Variants in ST6GALNAC3 observed in about 807,000 individuals in gnomAD.
The protein encoded by ST6GALNAC3 is ST6 N-acetylgalactosaminide alpha-2,6-sialyltransferase 3, also known as alpha-N-acetylgalactosaminide alpha-2,6-sialyltransferase 3.
Under a neutral mutation model 32.7 loss-of-function variants are expected in ST6GALNAC3, and 25 were observed. The ratio of observed to expected loss-of-function variants is 0.76; its 90% confidence interval spans 0.56 to 1.07. The LOEUF is 1.07. Among genes scored for constraint, ST6GALNAC3 ranks in the 50% least tolerant of loss-of-function variants. The pLI is 0.00. For synonymous variants in ST6GALNAC3, 129 were observed against 133.1 expected (o/e 0.97, Z 0.21); for missense variants, 355 against 382.4 (o/e 0.93, Z 0.60).
chr1:76,128,097 A>G (rs1237551841), intron 1 of ST6GALNAC3, among the ~76,000 whole-genome samples: 1 of 152,118 alleles, frequency 6.6e-6, no homozygotes, highest in Non-Finnish European at 1.5e-5. Flanking sequence ...AACACCACCA[A>G]TCACGAGAAG....
Position 76,599,683 on chromosome 1 carries a change from T to C in ST6GALNAC3, c.624-27769T>C, listed in dbSNP as rs1164713903. Among the ~76,000 whole-genome samples the C allele has an allele frequency of 2.0e-5, 3 of 151,640 alleles. No individual in the cohort carries two copies. In the East Asian group the frequency reaches 5.8e-4, roughly 30 times the overall value. On this transcript the variant is annotated intron_variant, in intron 3 of 4. Coordinates refer to ENST00000328299, the MANE Select transcript of ST6GALNAC3 (RefSeq NM_152996.4). ...ATCCAAGTAATTCTAGTAAAATTCGTTGTTTGATTATTTTATTCCTCCCAC... is the reference window on the plus strand; with the variant it reads ...ATCCAAGTAATTCTAGTAAAATTCGCTGTTTGATTATTTTATTCCTCCCAC...
At chr1:76,300,540 C>G (rs974673155) in intron 1 of ST6GALNAC3, among the ~76,000 whole-genome samples, 5 of 151,964 alleles carry the variant, frequency 3.3e-5, no homozygotes, top group Admixed American at 3.3e-4. Context: ...GTAGACTTAT[C>G]TAGATATAGC....
At chr1:76,391,504 C>A (rs553914308) in intron 2 of ST6GALNAC3, among the ~76,000 whole-genome samples, 1 of 151,522 alleles carries the variant, frequency 6.6e-6, no homozygotes, top group East Asian at 2.0e-4. Flanking sequence ...AGAAACAAAT[C>A]GTAAGCCATT....
chr1:76,312,427 A>G (rs1646783902), intron 1 of ST6GALNAC3, among the ~76,000 whole-genome samples: 1 of 152,168 alleles, frequency 6.6e-6, no homozygotes, highest in East Asian at 1.9e-4. Flanking sequence ...GACAAATGGG[A>G]TATAATTAAA....
chr1:76,217,138 G>A (rs369036140), intron 1 of ST6GALNAC3, among the ~76,000 whole-genome samples: 36 of 152,222 alleles, frequency 2.4e-4, no homozygotes, highest in Non-Finnish European at 3.4e-4. Flanking sequence ...AACTCCCTGC[G>A]AAAAACTTAA....
At chr1:76,373,978 A>G (rs1651024064) in intron 2 of ST6GALNAC3, among the ~76,000 whole-genome samples, 1 of 152,092 alleles carries the variant, frequency 6.6e-6, no homozygotes, top group Non-Finnish European at 1.5e-5. Context: ...AGAGTGCTCA[A>G]TTGCCTCTGT....
chr1:76,434,672 T>G (rs1656005589), intron 3 of ST6GALNAC3, among the ~76,000 whole-genome samples: 1 of 152,256 alleles, frequency 6.6e-6, no homozygotes, highest in South Asian at 2.1e-4. Context: ...TATTGTCATA[T>G]GAACAAAAGT....
intron 3 of ST6GALNAC3, chr1:76,413,076 C>T (rs995201855): frequency 7.3e-6 from 2 of 272,672 alleles, no homozygotes; most frequent in Non-Finnish European, 1.5e-5. Flanking sequence ...TTTTCTGTAG[C>T]ATTCTGTAAA....
intron 2 of ST6GALNAC3, among the ~76,000 whole-genome samples, chr1:76,357,128 TTC>T (rs1463284458): frequency 2.4e-5 from 2 of 82,504 alleles, no homozygotes; most frequent in Non-Finnish European, 4.9e-5. Flanking sequence ...TCTTTTCTTT[TTC>T]TTTTTTTTTT....
At chr1:76,545,923 T>G (rs1664272114) in intron 3 of ST6GALNAC3, among the ~76,000 whole-genome samples, 2 of 152,200 alleles carry the variant, frequency 1.3e-5, no homozygotes. Context: ...CCTTCCAAAG[T>G]GCTGGGATCA....
At chr1:76,479,424 T>A (rs59128559) in intron 3 of ST6GALNAC3, among the ~76,000 whole-genome samples, 57,830 of 152,098 alleles carry the variant, frequency 0.38, 16,284 homozygotes, top group African/African-American at 0.8. Flanking sequence ...TTTATAATGA[T>A]CAGGCTGCGT....
chr1:76,277,609 T>TAC (rs1208393581), intron 1 of ST6GALNAC3, among the ~76,000 whole-genome samples: 45 of 45,026 alleles, frequency 1.0e-3, no homozygotes, highest in African/African-American at 2.2e-3. Flanking sequence ...TATATATATA[T>TAC]ATACACACAC....
At chr1:76,200,558 G>A (rs180984810) in intron 1 of ST6GALNAC3, among the ~76,000 whole-genome samples, 3 of 152,306 alleles carry the variant, frequency 2.0e-5, no homozygotes, top group Admixed American at 2.0e-4. Context: ...TTTCTGATTA[G>A]ATGGTGGCTA....
chr1:76,500,781 T>G (rs1026262545), intron 3 of ST6GALNAC3, among the ~76,000 whole-genome samples: 1 of 152,222 alleles, frequency 6.6e-6, no homozygotes, highest in East Asian at 1.9e-4. Flanking sequence ...TTCTGAAAGA[T>G]AATTTTAGCA....
At chr1:76,524,561 TTCA>T (rs1662749861) in intron 3 of ST6GALNAC3, among the ~76,000 whole-genome samples, 1 of 152,120 alleles carries the variant, frequency 6.6e-6, no homozygotes, top group African/African-American at 2.4e-5. Context: ...ATAGTAGGTA[TTCA>T]TCATTTATTT....
intron 1 of ST6GALNAC3, among the ~76,000 whole-genome samples, chr1:76,169,605 T>C (rs1652345282): frequency 6.6e-6 from 1 of 152,218 alleles, no homozygotes; most frequent in African/African-American, 2.4e-5. Flanking sequence ...ATGTCATAGA[T>C]TTGGTCTCTT....
chr1:76,425,709 T>C (rs61692258), intron 3 of ST6GALNAC3, among the ~76,000 whole-genome samples: 38,699 of 151,910 alleles, frequency 0.25, 5,815 homozygotes, highest in African/African-American at 0.41. Flanking sequence ...CTGAGAAACC[T>C]TGCCGAGAGA....
intron 1 of ST6GALNAC3, among the ~76,000 whole-genome samples, chr1:76,243,756 G>A (rs1488826659): frequency 2.0e-5 from 3 of 152,122 alleles, no homozygotes; most frequent in Non-Finnish European, 4.4e-5. Context: ...AAGATCAGAT[G>A]GTTGTAGATG....
chr1:76,563,104 CA>C (rs1665341116), intron 3 of ST6GALNAC3, among the ~76,000 whole-genome samples: 1 of 152,168 alleles, frequency 6.6e-6, no homozygotes, highest in Non-Finnish European at 1.5e-5. Flanking sequence ...CAGAATTTTT[CA>C]CTTAAGATTC....
Sources: gnomAD v4.1 joint callset for allele counts (sites outside exome capture counted in the v4.1 genomes callset) on GRCh38, gnomAD v4.1.1 for gene constraint, MANE v1.5 for transcripts, NCBI Gene and HGNC (gene_info 2026-07-23, HGNC 2026-07-21) for gene names.